MYH9: variants seen among roughly 807,000 people sequenced by gnomAD.
MYH9 encodes the protein myosin heavy chain 9, also known as myosin-9.
In MYH9, 29 loss-of-function variants were observed where a neutral mutation model predicts 241.9. The observed-to-expected ratio is 0.12, with a 90% CI of 0.09 to 0.16. MYH9 has a LOEUF of 0.16. MYH9 is among the 10% of genes least tolerant of loss of function. The pLI, the probability that MYH9 is intolerant of heterozygous loss-of-function variation, is 1.00. For synonymous variants in MYH9, 1,047 were observed against 1,062.6 expected (o/e 0.99, Z 0.29); for missense variants, 1,803 against 2,595.5 (o/e 0.69, Z 6.63).
At chr22:36,307,495 T>A (rs1182398619) in intron 15 of MYH9, among the ~76,000 whole-genome samples, 2 of 152,248 alleles carry the variant, frequency 1.3e-5, no homozygotes, top group African/African-American at 4.8e-5. Context: ...TCGTATTCCT[T>A]CACGGCCAGA....
intron 3 of MYH9, among the ~76,000 whole-genome samples, chr22:36,336,409 T>C (rs1052142970): frequency 6.6e-6 from 1 of 152,166 alleles, no homozygotes; most frequent in Non-Finnish European, 1.5e-5. Flanking sequence ...CACCTGAACT[T>C]TACAGCAGAC....
At chr22:36,361,611 T>G (rs182287188) in intron 1 of MYH9, among the ~76,000 whole-genome samples, 32 of 152,240 alleles carry the variant, frequency 2.1e-4, no homozygotes, top group African/African-American at 6.7e-4. Context: ...ATGTGGTACA[T>G]AGAGTCCCTC....
At position 36,285,769 on chromosome 22, in the gene MYH9, T is replaced by C. The variant is rs2016569152; in HGVS notation, c.5163A>G (p.Leu1721=). ...GGGCCTCCAGACGCCGCTTCTCCTC[T>C]AACGCCAGGGCTCTGCGGGGTGGGC... ...ANSSGKGALA[L]EEKRRLEARI... is the part of the protein sequence containing the mutation. Residue 1721 remains leucine (L), a synonymous_variant, in exon 37 of 41, where the codon TTA becomes TTG. Coordinates refer to ENST00000216181, the MANE Select transcript of MYH9 (RefSeq NM_002473.6). The surrounding 1 kb of genome is among the most constrained non-coding windows in gnomAD (Gnocchi z 7.0). 1 of 1,609,980 alleles carries C rather than the reference T, an allele frequency of 6.2e-7. No homozygotes were observed.
At chr22:36,367,126 A>T (rs1366827287) in intron 1 of MYH9, among the ~76,000 whole-genome samples, 1 of 152,160 alleles carries the variant, frequency 6.6e-6, no homozygotes, top group Non-Finnish European at 1.5e-5. Context: ...ATGGGGCACT[A>T]GTGCGGCCTC....
At chr22:36,338,300 G>A (rs188853843) in intron 3 of MYH9, among the ~76,000 whole-genome samples, 286 of 151,580 alleles carry the variant, frequency 1.9e-3, no homozygotes, top group Non-Finnish European at 3.2e-3. Context: ...ACACCCAGCC[G>A]AAGAAGAAGG....
Position 36,320,128 on chromosome 22 carries a change from C to T in MYH9, c.1012+92G>A. On this transcript the variant is annotated intron_variant, in intron 9 of 40. Transcript: ENST00000216181. The surrounding 1 kb of genome is among the most constrained non-coding windows in gnomAD (Gnocchi z 4.8). ...CCCTTCCCCTGGCCTCTAGCAGGCT[C>T]CCCAGGCCCATCGGCTACCCTGATG... 3.8e-6 allele frequency: 6 copies of T among 1,577,030 alleles called. No individual in the cohort carries two copies. The highest frequency in any genetic ancestry group is 5.2e-6 in the Non-Finnish European group (6 of 1,156,146).
chr22:36,306,658 G>T lies in MYH9; in HGVS notation c.1844-51C>A. The T allele has an allele frequency of 6.4e-7, 1 of 1,564,996 alleles. No individual in the cohort carries two copies. On this transcript the variant is annotated intron_variant, in intron 15 of 40. Transcript: ENST00000216181. This position sits in a 1 kb window ranked among gnomAD's most constrained non-coding sequence, Gnocchi z 4.1. Reference sequence around the variant, plus strand: ...AGTGCCCACACAGTTGCAGCTGGGTGGTGGGGGAGCACGTAGGAGAGAGAG... The same window carrying T: ...AGTGCCCACACAGTTGCAGCTGGGTTGTGGGGGAGCACGTAGGAGAGAGAG...
At chr22:36,321,950 G>C in intron 6 of MYH9, 129 bp from the exon 7 acceptor site, 2 of 859,104 alleles carry the variant, frequency 2.3e-6, no homozygotes, top group East Asian at 2.6e-5. Context: ...CCCAGAGACG[G>C]GACCCATGTA....
chr22:36,342,067 C>T (rs1245066044), intron 2 of MYH9, among the ~76,000 whole-genome samples: 1 of 152,236 alleles, frequency 6.6e-6, no homozygotes, highest in Non-Finnish European at 1.5e-5. Context: ...CTGACAGACA[C>T]CTCTTTCTCT....
intron 2 of MYH9, among the ~76,000 whole-genome samples, chr22:36,345,873 G>T (rs538972030): frequency 3.3e-4 from 51 of 152,346 alleles, no homozygotes; most frequent in African/African-American, 1.2e-3. Flanking sequence ...CTGGGGCCGG[G>T]CGTGGTGGCT....
chr22:36,314,814 A>C (rs937265447), intron 12 of MYH9, among the ~76,000 whole-genome samples: 19 of 151,964 alleles, frequency 1.3e-4, no homozygotes, highest in South Asian at 2.1e-4. Context: ...GTACATGGCT[A>C]ATATTGGTAT....
chr22:36,362,315 G>A (rs1031600161), intron 1 of MYH9, among the ~76,000 whole-genome samples: 4 of 152,110 alleles, frequency 2.6e-5, no homozygotes, highest in Admixed American at 6.6e-5. Flanking sequence ...TGGAATCACC[G>A]TCCTACGACA....
At chr22:36,308,921 A>C (rs1311271349) in intron 15 of MYH9, 3 of 937,944 alleles carry the variant, frequency 3.2e-6, no homozygotes, top group Non-Finnish European at 2.5e-6. Context: ...AGGAGAAACC[A>C]ACAGAAAGAA....
rs2016763573 is a variant in MYH9, at chr22:36,294,878, G to A, written c.3630+54C>T. On this transcript the variant is annotated intron_variant, in intron 27 of 40. Coordinates refer to ENST00000216181, the MANE Select transcript of MYH9 (RefSeq NM_002473.6). Reference sequence around the variant, plus strand: ...CTGCAGGACTGGTTTGGATTCTGTGGGCCCAGCACGGGGAACCCTGCCCTC... The same window carrying A: ...CTGCAGGACTGGTTTGGATTCTGTGAGCCCAGCACGGGGAACCCTGCCCTC... The A allele has an allele frequency of 4.4e-6, 7 of 1,602,220 alleles. No individual in the cohort carries two copies. In the Admixed American group the frequency reaches 1.0e-4, roughly 23 times the overall value.
rs774894763 is a variant in MYH9 at position 36,327,446 on chromosome 22, C to T, written c.518+15G>A. 42 of 1,613,818 alleles carry T rather than the reference C, an allele frequency of 2.6e-5. 1 individual carries two copies. The highest frequency in any genetic ancestry group is 2.1e-4 in the African/African-American group (16 of 74,916). On this transcript the variant is annotated intron_variant, in intron 4 of 40. Transcript: ENST00000216181. ...GGGGTGAAACGAACCACTACCCAGA[C>T]GGAGAAATACTTACGTGCACAAGAT...
At position 36,284,200 on chromosome 22, in the gene MYH9, G is replaced by A. The variant is rs1242293856; in HGVS notation, c.5658C>T (p.Ala1886=). ...KRQLEEAEEE[A]QRANASRRKL... ...TCCGGCGGGAGGCGTTGGCCCGCTG[G>A]GCCTCCTCTTCGGCCTCCTCCAGCT... is the stretch of plus-strand genomic sequence containing the variant. The change falls in exon 40 of 41, where the codon GCC becomes GCT. Residue 1886 remains alanine (A), a synonymous_variant. Coordinates refer to ENST00000216181, the MANE Select transcript of MYH9 (RefSeq NM_002473.6). The A allele has an allele frequency of 1.9e-6, 3 of 1,613,626 alleles. No individual in the cohort carries two copies. The highest frequency in any genetic ancestry group is 1.7e-4 in the Middle Eastern group (1 of 6,020).
chr22:36,322,372 C>G (rs2017267631), intron 6 of MYH9, 57 bp downstream of exon 6: 4 of 1,584,084 alleles, frequency 2.5e-6, no homozygotes, highest in Non-Finnish European at 3.5e-6. Flanking sequence ...CAGCATGAGC[C>G]AAAGCTCCGG....
At position 36,288,262 on chromosome 22, in the gene MYH9, C is replaced by T; in HGVS notation, c.4922G>A (p.Arg1641Gln). ...CCCGCCCACCCTTACCTGCAGCTTC[C>T]GCAGCTGTTTGATGGCTTCGTCCCG... ...KNRDEAIKQLRKLQAQMKDCM... is the reference protein window; with the variant it reads ...KNRDEAIKQLQKLQAQMKDCM... The change falls in exon 34 of 41, where the codon CGG becomes CAG. Residue 1641 changes from arginine (R) to glutamine (Q), a missense_variant. Arg to Gln is a conservative substitution (Grantham distance 43). Transcript: ENST00000216181. This position sits in a 1 kb window ranked among gnomAD's most constrained non-coding sequence, Gnocchi z 4.8. 6.8e-6 allele frequency: 11 copies of T among 1,614,014 alleles called. No individual in the cohort carries two copies. Among genetic ancestry groups the T allele is most frequent in the Non-Finnish European group, 9.3e-6 (11 of 1,180,004 alleles).
In MYH9 at chr22:36,293,330, T is replaced by C. The variant is rs2016736213; in HGVS notation, c.4094A>G (p.Gln1365Arg). The C allele has an allele frequency of 1.2e-6, 2 of 1,613,868 alleles. No individual in the cohort carries two copies. Among genetic ancestry groups the C allele is most frequent in the Admixed American group, 1.7e-5 (1 of 60,008 alleles). The change falls in exon 30 of 41, where the codon CAG becomes CGG. Residue 1365 changes from glutamine to arginine, a missense_variant and splice_region_variant. Physicochemically the swap from Gln to Arg is conservative, Grantham distance 43. Coordinates refer to ENST00000216181, the MANE Select transcript of MYH9 (RefSeq NM_002473.6). This position sits in a 1 kb window ranked among gnomAD's most constrained non-coding sequence, Gnocchi z 5.1. ...LEKQIATLHA[Q>R]VADMKKKMED... ...GGCCGGTCCCCCAGGCCTCCAAACCTGGGCATGGAGGGTGGCGATCTGCTT... is the reference window on the plus strand; with the variant it reads ...GGCCGGTCCCCCAGGCCTCCAAACCCGGGCATGGAGGGTGGCGATCTGCTT...
Sources: gnomAD v4.1 joint callset for allele counts (sites outside exome capture counted in the v4.1 genomes callset) on GRCh38, gnomAD v4.1.1 for gene constraint, Gnocchi (gnomAD v3.1) non-coding constraint, MANE v1.5 for transcripts, NCBI Gene and HGNC (gene_info 2026-07-23, HGNC 2026-07-21) for gene names.